Variants in MOB4 observed in about 807,000 individuals in gnomAD.
MOB4 encodes the protein MOB-like protein phocein.
A neutral mutation model predicts 32.2 loss-of-function variants in MOB4; 4 were observed. The observed-to-expected ratio is 0.12, with a 90% CI of 0.06 to 0.28. MOB4 has a LOEUF of 0.28. MOB4 is among the 10% of genes least tolerant of loss of function. The probability of loss-of-function intolerance (pLI) is 1.00; values close to 1 mark genes in which losing one functional copy is unlikely to be tolerated. For synonymous variants in MOB4, 88 were observed against 88.1 expected, an observed-to-expected ratio of 1.00 and a Z score of 0.01; for missense variants, 158 against 271.2, an observed-to-expected ratio of 0.58 and a Z score of 2.93.
At chr2:197,515,788 G>C (rs2086396309), upstream of MOB4, 3 of 474,300 alleles carry the variant, frequency 6.3e-6, no homozygotes. Context: ...CTGCCGCAGC[G>C]GTCGCTGCGA....
chr2:197,538,832 A>G (rs778378067), intron 3 of MOB4, among the ~76,000 whole-genome samples: 16 of 152,244 alleles, frequency 1.1e-4, no homozygotes, highest in Admixed American at 2.0e-4. Flanking sequence ...CATGCAGTCT[A>G]CTTGATAGGG....
chr2:197,534,096 T>G (rs2086756071), intron 2 of MOB4: 2 of 292,078 alleles, frequency 6.8e-6, no homozygotes, highest in African/African-American at 4.4e-5. Flanking sequence ...ATGGTTTTTC[T>G]TTTGGTTTCT....
chr2:197,546,154 C>T (rs1035291031), intron 5 of MOB4, among the ~76,000 whole-genome samples: 16 of 152,066 alleles, frequency 1.1e-4, no homozygotes, highest in Middle Eastern at 3.4e-3. Flanking sequence ...CTCCGCCTCC[C>T]GGGTTCTTGC....
At position 197,550,789 on chromosome 2, in the gene MOB4, G is replaced by C. The variant is rs938876160; in HGVS notation, c.*143G>C. The stretch of plus-strand genomic sequence containing the variant: ...GTATGCTGGGTTTGCCTTTTAAAAT[G>C]GGAAATACTTTTTAAGTTATTCATA... On this transcript the variant is annotated 3_prime_UTR_variant, in exon 8 of 8. Transcript: ENST00000323303. The C allele has an allele frequency of 9.7e-7, 1 of 1,032,448 alleles. No individual in the cohort carries two copies. Among genetic ancestry groups the C allele is most frequent in the African/African-American group, 1.7e-5 (1 of 59,570 alleles). The allele number at this position is 1,032,448 out of a possible 1,614,324, so 64.0% of individuals were successfully genotyped here.
chr2:197,542,501 G>A lies in MOB4; in HGVS notation c.354+2064G>A, dbSNP rs568880069. On this transcript the variant is annotated intron_variant, in intron 5 of 7. Coordinates refer to ENST00000323303, the MANE Select transcript of MOB4 (RefSeq NM_015387.5). ...TCTCATGGATTAAAATCACTAGGGA[G>A]ATTCTGAAGTGGGAGCAGCAGAATA... is the stretch of plus-strand genomic sequence containing the variant. 3.9e-5 allele frequency among the ~76,000 whole-genome samples: 6 copies of A among 152,208 alleles called. No homozygotes were observed. The South Asian group carries it at 1.0e-3, about 26-fold the overall frequency.
intron 5 of MOB4, among the ~76,000 whole-genome samples, chr2:197,543,259 A>C (rs766727736): frequency 6.6e-6 from 1 of 151,984 alleles, no homozygotes; most frequent in Non-Finnish European, 1.5e-5. Flanking sequence ...ACACCACTAC[A>C]CTCCAGCCTA....
At chr2:197,537,537 CATT>C (rs2086822161) in intron 3 of MOB4, among the ~76,000 whole-genome samples, 1 of 152,176 alleles carries the variant, frequency 6.6e-6, no homozygotes, top group South Asian at 2.1e-4. Flanking sequence ...ATGGCTAAGA[CATT>C]ATGTCGTGTC....
chr2:197,532,684 T>TAAAA (rs2086727062), intron 2 of MOB4, among the ~76,000 whole-genome samples: 1 of 150,110 alleles, frequency 6.7e-6, no homozygotes, highest in Non-Finnish European at 1.5e-5. Context: ...AAACTCTATC[T>TAAAA]CAAAAAAAAA....
chr2:197,543,430 C>CA (rs1264925756), intron 5 of MOB4, among the ~76,000 whole-genome samples: 1 of 149,990 alleles, frequency 6.7e-6, no homozygotes. Context: ...GTCTCCTCCA[C>CA]AACCATGCTT....
chr2:197,545,236 A>G (rs2086973373), intron 5 of MOB4, among the ~76,000 whole-genome samples: 1 of 152,202 alleles, frequency 6.6e-6, no homozygotes, highest in South Asian at 2.1e-4. Context: ...GACCCCCATG[A>G]ATACCAAAAC....
At chr2:197,549,104 T>C (rs2087049442) in intron 6 of MOB4, among the ~76,000 whole-genome samples, 2 of 152,088 alleles carry the variant, frequency 1.3e-5, no homozygotes, top group African/African-American at 4.8e-5. Context: ...GACGAGTACC[T>C]GTAATCCCAG....
chr2:197,532,780 G>A (rs1452250118), intron 2 of MOB4, among the ~76,000 whole-genome samples: 1 of 152,024 alleles, frequency 6.6e-6, no homozygotes, highest in African/African-American at 2.4e-5. Context: ...GTGCTATTAA[G>A]TGTGAAATAA....
At chr2:197,523,897 G>C (rs938456128) in intron 2 of MOB4, among the ~76,000 whole-genome samples, 1 of 152,144 alleles carries the variant, frequency 6.6e-6, no homozygotes, top group South Asian at 2.1e-4. Flanking sequence ...ATATCTTTTC[G>C]CATAGAGAAG....
intron 1 of MOB4, among the ~76,000 whole-genome samples, chr2:197,522,218 T>A (rs2086532371): frequency 6.6e-6 from 1 of 152,156 alleles, no homozygotes; most frequent in African/African-American, 2.4e-5. Flanking sequence ...TTAGTTTTTT[T>A]TAAATGTACA....
At chr2:197,546,757 C>G (rs1213275532) in intron 5 of MOB4, among the ~76,000 whole-genome samples, 2 of 152,158 alleles carry the variant, frequency 1.3e-5, no homozygotes, top group African/African-American at 4.8e-5. Context: ...TTGAACAACT[C>G]CGGGATTGGG....
chr2:197,519,830 G>T (rs2086483010), intron 1 of MOB4, among the ~76,000 whole-genome samples: 1 of 152,144 alleles, frequency 6.6e-6, no homozygotes, highest in Non-Finnish European at 1.5e-5. Flanking sequence ...AATAGACAGA[G>T]TATTGGTAGA....
chr2:197,528,616 CTTTT>C (rs60927398), intron 2 of MOB4, among the ~76,000 whole-genome samples: 3 of 131,690 alleles, frequency 2.3e-5, no homozygotes, highest in Non-Finnish European at 1.6e-5. Context: ...TTTTCTTTTT[CTTTT>C]TTTTTTTTTT....
intron 2 of MOB4, among the ~76,000 whole-genome samples, chr2:197,526,358 C>T (rs1246778985): frequency 6.6e-6 from 1 of 152,086 alleles, no homozygotes; most frequent in Non-Finnish European, 1.5e-5. Flanking sequence ...CGCTCTGTCA[C>T]CAGGCTGGAG....
chr2:197,548,521 G>A lies in MOB4; in HGVS notation c.434+106G>A, dbSNP rs1287373868. 5 of 728,400 alleles carry A rather than the reference G, an allele frequency of 6.9e-6. No homozygotes were observed. The East Asian group carries it at 1.8e-4, about 26-fold the overall frequency. The allele number at this position is 728,400 out of a possible 1,614,324, so 45.1% of individuals were successfully genotyped here. On this transcript the variant is annotated intron_variant, in intron 6 of 7. Coordinates refer to ENST00000323303, the MANE Select transcript of MOB4 (RefSeq NM_015387.5). ...GATAGTATTAGGAGCTATACCTAAT[G>A]CTAAATGATGAGTTAATGGGTGCAG...
Sources: allele counts gnomAD v4.1 joint callset (sites outside exome capture counted in the v4.1 genomes callset), GRCh38; gene constraint gnomAD v4.1.1; transcripts MANE v1.5; gene names NCBI Gene and HGNC (gene_info 2026-07-23, HGNC 2026-07-21).